INPP4A: variants seen among roughly 807,000 people sequenced by gnomAD.
The protein encoded by INPP4A is inositol polyphosphate-4-phosphatase, type I, 107kD.
INPP4A carries 33 observed loss-of-function variants against 119.8 expected under a neutral mutation model. The observed-to-expected ratio is 0.28, with a 90% CI of 0.21 to 0.37. The LOEUF (loss-of-function observed/expected upper bound fraction) is 0.37. Ranked by LOEUF, INPP4A falls within the 10% of genes least tolerant of loss-of-function variation. The pLI is 1.00. For synonymous variants in INPP4A, 496 were observed against 500.7 expected (o/e 0.99, Z 0.12); for missense variants, 956 against 1,289.9 (o/e 0.74, Z 3.97).
chr2:98,485,889 A>T (rs1679437548), intron 1 of INPP4A, among the ~76,000 whole-genome samples: 1 of 152,184 alleles, frequency 6.6e-6, no homozygotes, highest in Non-Finnish European at 1.5e-5. Flanking sequence ...TTTTCTTCAT[A>T]AACATTAAGT....
chr2:98,449,280 A>G (rs1439859468), intron 1 of INPP4A, among the ~76,000 whole-genome samples: 1 of 152,212 alleles, frequency 6.6e-6, no homozygotes, highest in Non-Finnish European at 1.5e-5. Context: ...GATGATTTTC[A>G]TGGTTCCTTC....
rs1700247978 is a variant in INPP4A at position 98,589,618 on chromosome 2, A to G, written c.*2010A>G. The G allele has an allele frequency of 1.1e-5, 2 of 179,008 alleles. No homozygotes were observed. The highest frequency in any genetic ancestry group is 2.0e-4 in the South Asian group (1 of 5,056). 11.1% of individuals were successfully genotyped at this position (179,008 alleles called of 1,614,324 possible). A position where few individuals can be genotyped will look rare whatever the true frequency, so the allele number is the denominator to read the frequency against. ...AAAACTGTAAGACTTGGCAAATGCT[A>G]TAGAAAAGGTTCAGGTTTCAGTATT... On this transcript the variant is annotated 3_prime_UTR_variant, in exon 25 of 25. Transcript: ENST00000409851.
chr2:98,531,657 A>G (rs748975315), intron 4 of INPP4A, among the ~76,000 whole-genome samples: 1 of 152,252 alleles, frequency 6.6e-6, no homozygotes, highest in African/African-American at 2.4e-5. Flanking sequence ...CGCTGACTTC[A>G]TAACAGAAAA....
At chr2:98,477,599 T>G (rs1395292858) in intron 1 of INPP4A, among the ~76,000 whole-genome samples, 1 of 152,230 alleles carries the variant, frequency 6.6e-6, no homozygotes, top group Non-Finnish European at 1.5e-5. Context: ...CTCCAGGAAC[T>G]GTCAACGTTG....
Position 98,543,949 on chromosome 2 carries a change from G to C in INPP4A, c.891G>C (p.Gln297His). 1 of 1,600,094 alleles carries C rather than the reference G, an allele frequency of 6.2e-7. No individual in the cohort carries two copies. Among genetic ancestry groups the C allele is most frequent in the South Asian group, 1.1e-5 (1 of 88,688 alleles). Reference protein sequence around the residue: ...WESLRRQIVTQYQTIILTYQE... With the variant: ...WESLRRQIVTHYQTIILTYQE... ...GCCTCCGGCGCCAAATTGTCACCCAGTACCAGACCATCATCCTCACATACC... is the reference window on the plus strand; with the variant it reads ...GCCTCCGGCGCCAAATTGTCACCCACTACCAGACCATCATCCTCACATACC... The change falls in exon 11 of 25, where the codon CAG becomes CAC. Residue 297 changes from glutamine to histidine, a missense_variant. By Grantham distance (24) the Gln-to-His change is conservative. This residue lies in a region of INPP4A where 652 missense variants were observed against 797.9 expected (regional missense o/e 0.82). Coordinates refer to ENST00000409851, the MANE Select transcript of INPP4A (RefSeq NM_001134225.2).
chr2:98,548,719 G>C (rs530944806), intron 13 of INPP4A, among the ~76,000 whole-genome samples: 1 of 152,056 alleles, frequency 6.6e-6, no homozygotes, highest in African/African-American at 2.4e-5. Flanking sequence ...CTTTAAATGC[G>C]GAGGTAACTT....
At chr2:98,478,218 A>G (rs74549574) in intron 1 of INPP4A, among the ~76,000 whole-genome samples, 12,189 of 152,028 alleles carry the variant, frequency 0.08, 841 homozygotes, top group Non-Finnish European at 0.11. Context: ...CACTGTGTTT[A>G]AGTCACAGTG....
chr2:98,461,829 G>C (rs566370615), intron 1 of INPP4A, among the ~76,000 whole-genome samples: 1 of 152,300 alleles, frequency 6.6e-6, no homozygotes, highest in East Asian at 1.9e-4. Context: ...GTGTTCCATT[G>C]TCCAGCTGCA....
intron 13 of INPP4A, chr2:98,549,110 C>T: frequency 1.5e-6 from 1 of 670,492 alleles, no homozygotes; most frequent in Non-Finnish European, 2.5e-6. Flanking sequence ...CATAAACAGT[C>T]CTCCCTTCCA....
chr2:98,560,935 G>A (rs949635934), intron 17 of INPP4A, among the ~76,000 whole-genome samples: 2 of 152,244 alleles, frequency 1.3e-5, no homozygotes, highest in African/African-American at 2.4e-5. Flanking sequence ...CCTCCTTGTT[G>A]TGTGTCAGCT....
chr2:98,568,874 C>T (rs1190672671), intron 22 of INPP4A: 2 of 532,004 alleles, frequency 3.8e-6, no homozygotes, highest in African/African-American at 3.8e-5. Context: ...GCTGTCGATT[C>T]TCTACTAGCC....
At chr2:98,580,661 GC>G (rs1699170969) in intron 24 of INPP4A, among the ~76,000 whole-genome samples, 2 of 152,360 alleles carry the variant, frequency 1.3e-5, no homozygotes, top group Admixed American at 6.5e-5. Flanking sequence ...GGGCTTCGGG[GC>G]TCCTCTGGGA....
intron 1 of INPP4A, among the ~76,000 whole-genome samples, chr2:98,492,219 T>C (rs534496351): frequency 1.3e-5 from 2 of 152,248 alleles, no homozygotes; most frequent in South Asian, 2.1e-4. Flanking sequence ...GGTCTTATGA[T>C]AGGTTTTTTG....
rs558102910 is a variant in INPP4A at position 98,575,512 on chromosome 2, T to G, written c.2632-1477T>G. ...TACTCTCCATTAGCTTAGGGTCTGC[T>G]TATCTGCTTAGGGCCTGTTATTTTT... On this transcript the variant is annotated intron_variant, in intron 23 of 24. Transcript: ENST00000409851. 2.6e-5 allele frequency among the ~76,000 whole-genome samples: 4 copies of G among 152,378 alleles called. No individual in the cohort carries two copies. The South Asian group carries it at 8.3e-4, about 32-fold the overall frequency.
chr2:98,501,410 T>C (rs78466244), intron 1 of INPP4A, among the ~76,000 whole-genome samples: 2,347 of 152,272 alleles, frequency 0.015, 68 homozygotes, highest in African/African-American at 0.054. Context: ...TTCCTGAGTG[T>C]CAGTAGTTCA....
chr2:98,456,438 ATCCTCC>A (rs1574481413), intron 1 of INPP4A, among the ~76,000 whole-genome samples: 1 of 152,252 alleles, frequency 6.6e-6, no homozygotes, highest in East Asian at 1.9e-4. Flanking sequence ...GGGCTCAAGC[ATCCTCC>A]TGCCTCAGCC....
At chr2:98,544,180 T>G (rs1692059367) in intron 11 of INPP4A, among the ~76,000 whole-genome samples, 173 bp downstream of exon 11, 1 of 152,244 alleles carries the variant, frequency 6.6e-6, no homozygotes, top group African/African-American at 2.4e-5. Context: ...TAACTTCTTA[T>G]GTAGGTGTGA....
intron 24 of INPP4A, among the ~76,000 whole-genome samples, chr2:98,580,025 G>A (rs561867697): frequency 5.8e-4 from 89 of 152,312 alleles, no homozygotes; most frequent in African/African-American, 1.6e-3. Context: ...TTTTCGATAC[G>A]ATCCCATGAG....
chr2:98,581,465 G>T, intron 24 of INPP4A: 6 of 1,060,740 alleles, frequency 5.7e-6, no homozygotes, highest in Non-Finnish European at 7.8e-6. Flanking sequence ...TGTTTCTCTT[G>T]TTTATCCCAT....
Sources: allele counts gnomAD v4.1 joint callset (sites outside exome capture counted in the v4.1 genomes callset), GRCh38; gene constraint gnomAD v4.1.1; regional missense constraint gnomAD v4.1.1; transcripts MANE v1.5; gene names NCBI Gene and HGNC (gene_info 2026-07-23, HGNC 2026-07-21).